AKAP9: variants seen among roughly 807,000 people sequenced by gnomAD.
The protein encoded by AKAP9 is A-kinase anchoring protein 9, also known as A-kinase anchor protein 9.
AKAP9 carries 311 observed loss-of-function variants against 488.5 expected under a neutral mutation model. The observed-to-expected ratio is 0.64, with a 90% CI of 0.58 to 0.70. The LOEUF is 0.70. Among genes scored for constraint, AKAP9 ranks in the 30% least tolerant of loss-of-function variants. The pLI, the probability that AKAP9 is intolerant of heterozygous loss-of-function variation, is 0.00. For missense variants in AKAP9, 4,215 were observed against 4,374.5 expected (o/e 0.96, Z 1.03); for synonymous variants, 1,462 against 1,483.5 (o/e 0.99, Z 0.33).
intron 46 of AKAP9, among the ~76,000 whole-genome samples, chr7:92,104,292 G>A (rs944122281): frequency 1.3e-5 from 2 of 151,162 alleles, no homozygotes; most frequent in Non-Finnish European, 2.9e-5. Context: ...CCGGGTTCAT[G>A]CCATTCTCCT....
intron 16 of AKAP9, among the ~76,000 whole-genome samples, chr7:92,036,523 G>A (rs1401158502): frequency 2.0e-5 from 3 of 151,852 alleles, no homozygotes; most frequent in African/African-American, 7.3e-5. Flanking sequence ...CTTGGCAGTG[G>A]TATCTTCTGT....
chr7:92,028,275 C>A, intron 14 of AKAP9, among the ~76,000 whole-genome samples: 1 of 108,942 alleles, frequency 9.2e-6, no homozygotes, highest in South Asian at 3.0e-4. Flanking sequence ...GAGAAACACC[C>A]AAGAATGATC....
At position 91,980,117 on chromosome 7, in the gene AKAP9, T is replaced by G. The variant is rs55868527; in HGVS notation, c.307-172T>G. On this transcript the variant is annotated intron_variant, in intron 2 of 49. Coordinates refer to ENST00000356239, the MANE Select transcript of AKAP9 (RefSeq NM_005751.5). ...ACATTTTGGTTGCATTATTTTGCCA[T>G]TGTTATTTATAATTAAATGAAAATT... 0.014 allele frequency among the ~76,000 whole-genome samples: 2,107 copies of G among 152,300 alleles called. 22 individuals are homozygous for G. The highest frequency in any genetic ancestry group is 0.021 in the Non-Finnish European group (1,448 of 68,020).
At chr7:92,109,974 T>C in intron 49 of AKAP9, 148 bp from the exon 50 acceptor site, 1 of 666,512 alleles carries the variant, frequency 1.5e-6, no homozygotes, top group Non-Finnish European at 2.7e-6. Context: ...AGAGACTCAG[T>C]TTAAGTATGA....
chr7:91,973,287 G>T (rs1267448751), intron 1 of AKAP9, among the ~76,000 whole-genome samples: 3 of 152,170 alleles, frequency 2.0e-5, no homozygotes, highest in Non-Finnish European at 2.9e-5. Flanking sequence ...GGGCTGAAGT[G>T]GGAGGATCTG....
intron 16 of AKAP9, among the ~76,000 whole-genome samples, chr7:92,034,498 A>ATTTTTT (rs59961119): frequency 3.1e-5 from 3 of 95,426 alleles, no homozygotes; most frequent in Non-Finnish European, 6.0e-5. Flanking sequence ...ATATATATAT[A>ATTTTTT]TTTTTTTTTT....
Position 92,002,153 on chromosome 7 carries a change from C to A in AKAP9, c.2236C>A (p.Gln746Lys). ...KEKGTLEQEV[Q>K]ELQLKTELLE... ...AAAGGGTACACTTGAACAAGAAGTT[C>A]AAGAATTACAACTTAAAACAGAATT... Residue 746 changes from glutamine to lysine, a missense_variant, in exon 8 of 50, where the codon CAA becomes AAA. Physicochemically the swap from Gln to Lys is moderately conservative, Grantham distance 53. Coordinates refer to ENST00000356239, the MANE Select transcript of AKAP9 (RefSeq NM_005751.5). The A allele has an allele frequency of 1.3e-6, 2 of 1,591,448 alleles. No individual in the cohort carries two copies. Among genetic ancestry groups the A allele is most frequent in the South Asian group, 2.4e-5 (2 of 85,092 alleles).
intron 28 of AKAP9, among the ~76,000 whole-genome samples, chr7:92,074,707 T>C (rs896868850): frequency 1.3e-5 from 2 of 152,212 alleles, no homozygotes; most frequent in Non-Finnish European, 2.9e-5. Context: ...TTCATGTCCT[T>C]TGCAGGGACA....
chr7:92,070,848 A>C (rs1811615988), intron 27 of AKAP9, 57 bp from the exon 28 acceptor site: 2 of 1,310,176 alleles, frequency 1.5e-6, no homozygotes, highest in African/African-American at 1.5e-5. Context: ...ACAAAAAAAA[A>C]CTGGATAATC....
chr7:92,105,606 T>G (rs757224189), intron 46 of AKAP9, 72 bp from the exon 47 acceptor site: 7 of 1,067,794 alleles, frequency 6.6e-6, no homozygotes, highest in Non-Finnish European at 1.0e-5. Flanking sequence ...AAACGTGTGA[T>G]GTGATTTTTG....
chr7:91,941,187 G>A, intron 1 of AKAP9, 40 bp downstream of exon 1: 4 of 1,599,126 alleles, frequency 2.5e-6, no homozygotes, highest in South Asian at 2.2e-5. Context: ...GGTGGGAGGC[G>A]GTGGCTAGCA....
intron 2 of AKAP9, among the ~76,000 whole-genome samples, chr7:91,976,489 C>G (rs570838594): frequency 7.2e-5 from 11 of 152,316 alleles, no homozygotes; most frequent in African/African-American, 2.6e-4. Context: ...TCCCAAAGTG[C>G]TAGGATTACA....
chr7:92,052,221 A>G (rs1020780987), intron 21 of AKAP9, among the ~76,000 whole-genome samples: 17 of 152,246 alleles, frequency 1.1e-4, no homozygotes, highest in Middle Eastern at 3.4e-3. Context: ...TGTACTCCCA[A>G]TGTAGGCTCA....
chr7:91,967,415 A>G (rs1348952729), intron 1 of AKAP9, among the ~76,000 whole-genome samples: 1 of 152,068 alleles, frequency 6.6e-6, no homozygotes, highest in East Asian at 1.9e-4. Context: ...ATTTTTCCCT[A>G]TTCAGTGTGA....
intron 7 of AKAP9, among the ~76,000 whole-genome samples, chr7:91,999,379 C>G (rs1186426978): frequency 2.6e-5 from 4 of 152,148 alleles, no homozygotes; most frequent in Admixed American, 2.0e-4. Flanking sequence ...GCGCCCAGCC[C>G]CACGCCCAGC....
intron 32 of AKAP9, 65 bp downstream of exon 32, chr7:92,082,727 T>C: frequency 6.5e-7 from 1 of 1,533,322 alleles, no homozygotes; most frequent in Non-Finnish European, 9.0e-7. Context: ...TTTCAAAGTA[T>C]ATACTCTTTT....
At position 92,076,956 on chromosome 7, in the gene AKAP9, G is replaced by A. The variant is rs1358429673; in HGVS notation, c.6714G>A (p.Lys2238=). ...QLHMQLEIQK[K]ESTTRLQELE... ...ATATGCAATTAGAAATACAGAAAAA[G>A]GAATCTACTACCCGCCTACAAGAAC... The change falls in exon 29 of 50, where the codon AAG becomes AAA. Residue 2238 remains lysine, a synonymous_variant. Transcript: ENST00000356239. The A allele has an allele frequency of 6.3e-7, 1 of 1,579,490 alleles. No homozygotes were observed. Among genetic ancestry groups the A allele is most frequent in the Non-Finnish European group, 8.7e-7 (1 of 1,155,900 alleles).
intron 2 of AKAP9, among the ~76,000 whole-genome samples, chr7:91,974,948 C>T (rs1309504210): frequency 6.6e-6 from 1 of 151,108 alleles, no homozygotes; most frequent in Non-Finnish European, 1.5e-5. Context: ...TCACCCAGGC[C>T]CAAGCCATCC....
chr7:92,076,822 A>AT (rs1420796771), intron 28 of AKAP9, 33 bp from the exon 29 acceptor site: 1 of 1,295,146 alleles, frequency 7.7e-7, no homozygotes, highest in Non-Finnish European at 1.1e-6. Context: ...TTGTATAAAC[A>AT]TTTTTTCTCT....
Sources: allele counts gnomAD v4.1 joint callset (sites outside exome capture counted in the v4.1 genomes callset), GRCh38; gene constraint gnomAD v4.1.1; transcripts MANE v1.5; gene names NCBI Gene and HGNC (gene_info 2026-07-23, HGNC 2026-07-21).